Variants in UBOX5 observed in about 807,000 individuals in gnomAD.
The protein encoded by UBOX5 is U-box domain containing 5.
A neutral mutation model predicts 39.0 loss-of-function variants in UBOX5; 28 were observed. That is an observed-to-expected ratio of 0.72 (90% CI 0.53 to 0.98). The LOEUF is 0.98. Ranked by LOEUF, UBOX5 falls within the 50% of genes least tolerant of loss-of-function variation. The pLI is 0.00. For synonymous variants in UBOX5, 283 were observed against 275.5 expected (o/e 1.03, Z -0.27); for missense variants, 585 against 674.4 (o/e 0.87, Z 1.47).
chr20:3,146,541 A>T (rs2066564884), intron 1 of UBOX5: 1 of 482,132 alleles, frequency 2.1e-6, no homozygotes, highest in Non-Finnish European at 3.6e-6. Flanking sequence ...AGGACATATT[A>T]AGATGTTTAT....
intron 1 of UBOX5, chr20:3,147,580 C>A (rs376544256): frequency 1.2e-6 from 2 of 1,614,056 alleles, no homozygotes; most frequent in African/African-American, 1.3e-5. Context: ...ACCTGACAAA[C>A]CCTGGACTGA....
intron 1 of UBOX5, among the ~76,000 whole-genome samples, chr20:3,139,337 A>G (rs1000331277): frequency 1.3e-5 from 2 of 152,186 alleles, no homozygotes; most frequent in Admixed American, 1.3e-4. Context: ...AGGGCTTAAC[A>G]TGTGCTAGGC....
rs747802573 is a variant in UBOX5 at position 3,147,465 on chromosome 20, G to A, written c.-42+12301C>T. 6.2e-7 allele frequency: 1 copy of A among 1,614,044 alleles called. No homozygotes were observed. Among genetic ancestry groups the A allele is most frequent in the African/African-American group, 1.3e-5 (1 of 74,910 alleles). Reference sequence around the variant, plus strand: ...AATTCAGACCCCTCTTGCTGAAGGTGAGTACTAAGACGATTGCCTCTGTAA... The same window carrying A: ...AATTCAGACCCCTCTTGCTGAAGGTAAGTACTAAGACGATTGCCTCTGTAA... On this transcript the variant is annotated intron_variant, in intron 1 of 4. Coordinates refer to ENST00000217173, the MANE Select transcript of UBOX5 (RefSeq NM_014948.4).
In UBOX5 at chr20:3,115,285, G is replaced by C. The variant is rs539854486; in HGVS notation, c.1417+20C>G. 2 of 1,603,484 alleles carry C rather than the reference G, an allele frequency of 1.2e-6. No homozygotes were observed. The highest frequency in any genetic ancestry group is 2.7e-5 in the African/African-American group (2 of 74,714). ...ACCACCCATTCCAAGGCTCCAAGGA[G>C]ATGGCGGGGCCCATGTTACCCGAGC... On this transcript the variant is annotated intron_variant, in intron 4 of 4. Coordinates refer to ENST00000217173, the MANE Select transcript of UBOX5 (RefSeq NM_014948.4).
intron 1 of UBOX5, among the ~76,000 whole-genome samples, chr20:3,132,148 A>G (rs1294228109): frequency 6.6e-6 from 1 of 151,882 alleles, no homozygotes; most frequent in African/African-American, 2.4e-5. Context: ...CGATGCTACT[A>G]AAAATACAAA....
intron 1 of UBOX5, among the ~76,000 whole-genome samples, chr20:3,143,624 T>C (rs1156258554): frequency 1.3e-5 from 2 of 152,012 alleles, no homozygotes; most frequent in Non-Finnish European, 2.9e-5. Flanking sequence ...CGAAACCCTG[T>C]CTCTATTAAA....
In UBOX5 at chr20:3,147,737, G is replaced by A. The variant is rs771215227; in HGVS notation, c.-42+12029C>T. The A allele has an allele frequency of 2.7e-5, 43 of 1,614,076 alleles. No homozygotes were observed. In the East Asian group the frequency reaches 8.5e-4, roughly 32 times the overall value. On this transcript the variant is annotated intron_variant, in intron 1 of 4. Transcript: ENST00000217173. The stretch of plus-strand genomic sequence containing the variant: ...GCTGGAGTAAAATTCTTCTGCATTG[G>A]GTGGCTTATAATTCAGAGTTCCAAA...
chr20:3,117,734 G>A (rs2066304145), intron 3 of UBOX5, among the ~76,000 whole-genome samples: 1 of 151,928 alleles, frequency 6.6e-6, no homozygotes, highest in Admixed American at 6.6e-5. Context: ...GCTCACACTT[G>A]TAATCCCAGC....
chr20:3,120,384 T>C (rs6115797), intron 3 of UBOX5, among the ~76,000 whole-genome samples: 14,840 of 148,638 alleles, frequency 0.1, 1,683 homozygotes, highest in East Asian at 0.41. Flanking sequence ...TGCAGTGGCT[T>C]ACATCTGTAA....
chr20:3,140,253 C>T, intron 1 of UBOX5, among the ~76,000 whole-genome samples: 1 of 151,990 alleles, frequency 6.6e-6, no homozygotes, highest in South Asian at 2.1e-4. Flanking sequence ...AACTCCTGAC[C>T]TCAGGTGATC....
At chr20:3,115,846 C>A (rs2066290089) in intron 3 of UBOX5, among the ~76,000 whole-genome samples, 1 of 150,880 alleles carries the variant, frequency 6.6e-6, no homozygotes, top group Non-Finnish European at 1.5e-5. Context: ...TCACTGCAAC[C>A]TTCGCCTCCT....
intron 1 of UBOX5, among the ~76,000 whole-genome samples, chr20:3,155,441 G>A (rs1041156277): frequency 6.6e-6 from 1 of 152,054 alleles, no homozygotes; most frequent in Non-Finnish European, 1.5e-5. Flanking sequence ...CGAGGCAGGA[G>A]AATCACTTGA....
At position 3,122,047 on chromosome 20, in the gene UBOX5, C is replaced by T. The variant is rs748340101; in HGVS notation, c.592G>A (p.Ala198Thr). The T allele has an allele frequency of 6.2e-7, 1 of 1,614,224 alleles. No homozygotes were observed. ...ATCACTTCCTGGGAGCAGGTCTTGG[C>T]CGGCTGACCCCACACTTCCAACCGC... ...IKRLEVWGQPAKTCSQEVIDS... is the reference protein window; with the variant it reads ...IKRLEVWGQPTKTCSQEVIDS... Residue 198 changes from alanine to threonine, a missense_variant, in exon 3 of 5, where the codon GCC (alanine) becomes ACC (threonine). Physicochemically the swap from Ala to Thr is moderately conservative, Grantham distance 58. Transcript: ENST00000217173.
chr20:3,150,637 T>G (rs1053059703), intron 1 of UBOX5: 6 of 152,124 alleles, frequency 3.9e-5, no homozygotes, highest in African/African-American at 1.4e-4. Context: ...GTTCCAAGGG[T>G]GCCAGAATGA....
Position 3,115,383 on chromosome 20 carries a change from C to A in UBOX5, c.1339G>T (p.Ala447Ser), listed in dbSNP as rs760437668. ...STLGSMPSFT[A>S]RLTRGQLQHL... is the part of the protein sequence containing the mutation. ...TGGAGCTGTCCCCTGGTCAGCCGTG[C>A]CGTGAAGGAGGGCATAGAGCCAAGG... is the stretch of plus-strand genomic sequence containing the variant. The change falls in exon 4 of 5, where the codon GCA (alanine) becomes TCA (serine). Residue 447 changes from alanine (A) to serine (S), a missense_variant. Transcript: ENST00000217173. The A allele has an allele frequency of 4.9e-5, 79 of 1,614,176 alleles. 2 individuals are homozygous for A. In the South Asian group the frequency reaches 8.2e-4, roughly 17 times the overall value.
In UBOX5 at chr20:3,121,503, A is replaced by G. The variant is rs745495500; in HGVS notation, c.1136T>C (p.Val379Ala). ...AEHVPDSNFG[V>A]NASCFSATSP... is the part of the protein sequence containing the mutation. ...TGTGGCAGAAAAACAGGAAGCATTT[A>G]CACCAAAGTTACTGTCTGGGACATG... Residue 379 changes from valine (V) to alanine (A), a missense_variant, in exon 3 of 5, where the codon GTA (valine) becomes GCA (alanine). Transcript: ENST00000217173. 1.2e-6 allele frequency: 2 copies of G among 1,613,936 alleles called. No homozygotes were observed. The highest frequency in any genetic ancestry group is 2.2e-5 in the South Asian group (2 of 91,084).
In UBOX5 at chr20:3,147,582, C is replaced by T. The variant is rs781180016; in HGVS notation, c.-42+12184G>A. On this transcript the variant is annotated intron_variant, in intron 1 of 4. Coordinates refer to ENST00000217173, the MANE Select transcript of UBOX5 (RefSeq NM_014948.4). ...CTCTCCTGAGCTAACCTGACAAACC[C>T]TGGACTGAGAGCGAAATCAATTAAC... The T allele has an allele frequency of 4.3e-6, 7 of 1,614,052 alleles. No individual in the cohort carries two copies. In the African/African-American group the frequency reaches 6.7e-5, roughly 15 times the overall value.
intron 1 of UBOX5, among the ~76,000 whole-genome samples, chr20:3,153,923 A>G (rs1400568939): frequency 6.6e-6 from 1 of 152,214 alleles, no homozygotes; most frequent in African/African-American, 2.4e-5. Flanking sequence ...TTGGTGCTCA[A>G]AAAGTTTCAG....
At chr20:3,137,596 C>T (rs2066482627) in intron 1 of UBOX5, among the ~76,000 whole-genome samples, 1 of 152,190 alleles carries the variant, frequency 6.6e-6, no homozygotes, top group Non-Finnish European at 1.5e-5. Context: ...TATACTAGAA[C>T]TTCATAACCA....
Sources: allele counts gnomAD v4.1 joint callset (sites outside exome capture counted in the v4.1 genomes callset), GRCh38; gene constraint gnomAD v4.1.1; transcripts MANE v1.5; gene names NCBI Gene and HGNC (gene_info 2026-07-23, HGNC 2026-07-21).